The following GRM7 variants were observed in gnomAD, a reference collection of about 807,000 sequenced individuals.
GRM7 encodes metabotropic glutamate receptor 7.
A neutral mutation model predicts 84.5 loss-of-function variants in GRM7; 35 were observed. The ratio of observed to expected loss-of-function variants is 0.41; its 90% confidence interval spans 0.32 to 0.55. The LOEUF is 0.55. GRM7 is among the 20% of genes least tolerant of loss of function. GRM7 has a pLI of 0.19. For synonymous variants in GRM7, 487 were observed against 455.1 expected (o/e 1.07, Z -0.89); for missense variants, 1,003 against 1,194.6 (o/e 0.84, Z 2.36).
intron 1 of GRM7, among the ~76,000 whole-genome samples, chr3:7,098,937 C>G (rs560246299): frequency 1.5e-4 from 23 of 152,018 alleles, no homozygotes; most frequent in African/African-American, 5.3e-4. Flanking sequence ...TAGTGGCTAT[C>G]AAATATGCTC....
In GRM7 at chr3:7,534,347, T is replaced by C. The variant is rs114692511; in HGVS notation, c.1516-44075T>C. Among the ~76,000 whole-genome samples the C allele has an allele frequency of 5.9e-3, 893 of 152,282 alleles. 2 individuals carry two copies. Among genetic ancestry groups the C allele is most frequent in the African/African-American group, 0.02 (842 of 41,558 alleles). ...TGAATACTTTAAATATACAACCTCA[T>C]TGAAGCCTTACAACCACATTTTGAG... On this transcript the variant is annotated intron_variant, in intron 7 of 9. Transcript: ENST00000357716.
At chr3:7,419,335 G>C (rs1231959984) in intron 5 of GRM7, among the ~76,000 whole-genome samples, 1 of 152,060 alleles carries the variant, frequency 6.6e-6, no homozygotes, top group East Asian at 1.9e-4. Context: ...TGGACACAGA[G>C]TGTGTATCCA....
intron 1 of GRM7, among the ~76,000 whole-genome samples, chr3:6,896,012 C>T (rs760407203): frequency 1.3e-5 from 2 of 152,032 alleles, no homozygotes; most frequent in Non-Finnish European, 2.9e-5. Flanking sequence ...AATGAATGCA[C>T]CCATAAAGCA....
chr3:6,902,100 A>C (rs1696407636), intron 1 of GRM7, among the ~76,000 whole-genome samples: 1 of 152,174 alleles, frequency 6.6e-6, no homozygotes. Flanking sequence ...AGTTAATGTT[A>C]TATGTACATT....
At chr3:7,550,405 TCTCTCTCTCTCCCTCC>T (rs1178391262) in intron 7 of GRM7, among the ~76,000 whole-genome samples, 1 of 141,512 alleles carries the variant, frequency 7.1e-6, no homozygotes, top group Non-Finnish European at 1.5e-5. Context: ...TTCTTTCTTT[TCTCTCTCTCTCCCTCC>T]CTCCCTCCCT....
chr3:7,689,892 G>T (rs1392555688), intron 9 of GRM7, among the ~76,000 whole-genome samples: 1 of 152,102 alleles, frequency 6.6e-6, no homozygotes, highest in African/African-American at 2.4e-5. Context: ...TGCCTTCAGG[G>T]AGCTCAGATC....
At chr3:7,625,583 C>G (rs544191955) in intron 8 of GRM7, among the ~76,000 whole-genome samples, 268 of 152,154 alleles carry the variant, frequency 1.8e-3, no homozygotes, top group African/African-American at 6.0e-3. Flanking sequence ...GCAGGAGGAT[C>G]CTTTGAGCCC....
At chr3:7,456,159 A>AT (rs1263293846) in intron 6 of GRM7, among the ~76,000 whole-genome samples, 1 of 151,020 alleles carries the variant, frequency 6.6e-6, no homozygotes, top group Non-Finnish European at 1.5e-5. Context: ...CAGTTTCTGG[A>AT]TTTTTTATTC....
chr3:7,721,730 T>G (rs1053011606), intron 9 of GRM7, among the ~76,000 whole-genome samples: 1 of 152,228 alleles, frequency 6.6e-6, no homozygotes. Flanking sequence ...TCAAACTCAA[T>G]GATTCCCAGT....
chr3:7,665,264 C>T (rs959934633), intron 8 of GRM7, among the ~76,000 whole-genome samples: 23 of 151,080 alleles, frequency 1.5e-4, no homozygotes, highest in East Asian at 1.2e-3. Context: ...ATCCGCCTCC[C>T]GGGTTCACGC....
intron 4 of GRM7, among the ~76,000 whole-genome samples, chr3:7,315,999 G>T (rs945582216): frequency 6.6e-6 from 1 of 152,076 alleles, no homozygotes; most frequent in African/African-American, 2.4e-5. Context: ...AAATGGAGTG[G>T]TCAAGATACT....
rs560535173 is a variant in GRM7, at chr3:7,003,402, A to AT, written c.519+141502dup. ...GTCATTTTAAGATAAATAAATAGGT[A>AT]TTTTTTTGTAAAAAAAAAAAGTTTT... On this transcript the variant is annotated intron_variant, in intron 1 of 9. Transcript: ENST00000357716. 2.7e-3 allele frequency among the ~76,000 whole-genome samples: 407 copies of AT among 148,262 alleles called. 2 individuals carry two copies. The highest frequency in any genetic ancestry group is 0.01 in the African/African-American group (379 of 37,770).
intron 2 of GRM7, among the ~76,000 whole-genome samples, chr3:7,239,754 C>T (rs778612609): frequency 5.3e-5 from 8 of 152,104 alleles, no homozygotes; most frequent in Non-Finnish European, 1.2e-4. Flanking sequence ...TGAAAGCAGA[C>T]GTCTGCAAAC....
Position 7,507,145 on chromosome 3 carries a change from C to A in GRM7, c.1515+45423C>A, listed in dbSNP as rs76554019. On this transcript the variant is annotated intron_variant, in intron 7 of 9. Coordinates refer to ENST00000357716, the MANE Select transcript of GRM7 (RefSeq NM_000844.4). ...GATAGGGATATTTTATTGTAAACAG[C>A]AGAAATTGACTCTGGTTAATTTCAG... 9.0e-3 allele frequency among the ~76,000 whole-genome samples: 1,375 copies of A among 152,198 alleles called. 27 individuals carry two copies. The highest frequency in any genetic ancestry group is 0.032 in the African/African-American group (1,326 of 41,526).
At chr3:7,645,283 TCA>T (rs1698569479) in intron 8 of GRM7, among the ~76,000 whole-genome samples, 1 of 152,066 alleles carries the variant, frequency 6.6e-6, no homozygotes, top group South Asian at 2.1e-4. Flanking sequence ...GCACAGTGGC[TCA>T]CGCCTGTAAT....
intron 8 of GRM7, among the ~76,000 whole-genome samples, chr3:7,649,496 G>A (rs768558036): frequency 1.3e-5 from 2 of 152,154 alleles, no homozygotes; most frequent in Non-Finnish European, 2.9e-5. Context: ...ACTTCTTGTT[G>A]ATAGTGGTTA....
chr3:7,384,767 A>C (rs951170518), intron 4 of GRM7, among the ~76,000 whole-genome samples: 1 of 152,184 alleles, frequency 6.6e-6, no homozygotes, highest in Non-Finnish European at 1.5e-5. Flanking sequence ...ACACAGTCAC[A>C]AATCAGTTTA....
intron 5 of GRM7, among the ~76,000 whole-genome samples, chr3:7,440,549 T>TTGTA (rs1421350867): frequency 6.6e-6 from 1 of 152,172 alleles, no homozygotes; most frequent in African/African-American, 2.4e-5. Flanking sequence ...GCAGCTTGGT[T>TTGTA]CTGTAGACAA....
intron 4 of GRM7, among the ~76,000 whole-genome samples, chr3:7,386,371 C>A (rs1374092198): frequency 1.3e-5 from 2 of 152,038 alleles, no homozygotes; most frequent in Non-Finnish European, 2.9e-5. Context: ...TACCTGTCGC[C>A]AAAGTAGCAT....
Sources: allele counts gnomAD v4.1 joint callset (sites outside exome capture counted in the v4.1 genomes callset), GRCh38; gene constraint gnomAD v4.1.1; transcripts MANE v1.5; gene names NCBI Gene and HGNC (gene_info 2026-07-23, HGNC 2026-07-21).